STXBP4: variants seen among roughly 807,000 people sequenced by gnomAD.
STXBP4 encodes syntaxin binding protein 4, also known as syntaxin-binding protein 4.
STXBP4 carries 55 observed loss-of-function variants against 76.1 expected under a neutral mutation model. That is an observed-to-expected ratio of 0.72 (90% CI 0.58 to 0.91). STXBP4 has a LOEUF of 0.91. Ranked by LOEUF, STXBP4 falls within the 40% of genes least tolerant of loss-of-function variation. STXBP4 has a pLI of 0.00. For missense variants in STXBP4, 618 were observed against 636.9 expected, an observed-to-expected ratio of 0.97 and a Z score of 0.32; for synonymous variants, 201 against 220.2, an observed-to-expected ratio of 0.91 and a Z score of 0.77.
At chr17:55,071,968 G>A (rs2079125117) in intron 12 of STXBP4, among the ~76,000 whole-genome samples, 1 of 152,116 alleles carries the variant, frequency 6.6e-6, no homozygotes, top group South Asian at 2.1e-4. Flanking sequence ...GTGTCCTGGG[G>A]GACTGTCTTT....
chr17:55,053,638 A>T (rs1322737891), intron 12 of STXBP4, among the ~76,000 whole-genome samples: 1 of 152,144 alleles, frequency 6.6e-6, no homozygotes, highest in African/African-American at 2.4e-5. Flanking sequence ...AAGTTTTTTT[A>T]AAGTCCTCTA....
Position 54,999,857 on chromosome 17 carries a change from C to CA in STXBP4, c.498+15_498+16insA. ...CTTCTTGTGAGGTAAGTCAGGTAAT[C>CA]TTAAATTTCTCTATATATGCACTCC... On this transcript the variant is annotated intron_variant, in intron 6 of 17. Coordinates refer to ENST00000376352, the MANE Select transcript of STXBP4 (RefSeq NM_178509.6). 1 of 1,564,346 alleles carries CA rather than the reference C, an allele frequency of 6.4e-7. No individual in the cohort carries two copies. The highest frequency in any genetic ancestry group is 8.8e-7 in the Non-Finnish European group (1 of 1,138,190).
At chr17:55,127,828 A>T (rs1218637269) in intron 16 of STXBP4, among the ~76,000 whole-genome samples, 1 of 152,152 alleles carries the variant, frequency 6.6e-6, no homozygotes, top group Admixed American at 6.5e-5. Context: ...AGATTTTCAG[A>T]TAAACTTTTT....
At chr17:55,009,230 A>G (rs2078061046) in intron 8 of STXBP4, among the ~76,000 whole-genome samples, 1 of 152,186 alleles carries the variant, frequency 6.6e-6, no homozygotes, top group South Asian at 2.1e-4. Flanking sequence ...TTGTGGCTAA[A>G]ATGTAAGTTC....
chr17:55,094,165 GA>G (rs34886189), intron 16 of STXBP4, among the ~76,000 whole-genome samples: 6,646 of 108,172 alleles, frequency 0.061, 437 homozygotes, highest in African/African-American at 0.2. Flanking sequence ...TGAGGGACAG[GA>G]AAAAAAAAAA....
intron 16 of STXBP4, among the ~76,000 whole-genome samples, chr17:55,124,621 C>T (rs948379435): frequency 5.9e-5 from 9 of 152,176 alleles, no homozygotes; most frequent in African/African-American, 2.2e-4. Flanking sequence ...ACAGTGTAGT[C>T]AGACTGAAGT....
intron 16 of STXBP4, among the ~76,000 whole-genome samples, chr17:55,092,538 A>AT (rs2079428677): frequency 6.6e-6 from 1 of 152,168 alleles, no homozygotes; most frequent in African/African-American, 2.4e-5. Context: ...TAACTATGTT[A>AT]TTTTTACTCA....
chr17:55,051,317 T>C (rs2078855464), intron 12 of STXBP4, among the ~76,000 whole-genome samples: 1 of 152,042 alleles, frequency 6.6e-6, no homozygotes, highest in Non-Finnish European at 1.5e-5. Context: ...ACCATAATTA[T>C]GGTAAGGAAA....
Position 54,999,412 on chromosome 17 carries a change from T to C in STXBP4, c.248T>C (p.Phe83Ser). Residue 83 changes from phenylalanine to serine, a missense_variant, in exon 5 of 18, where the codon TTT becomes TCT. Transcript: ENST00000376352. ...VNKESMIGVS[F>S]EEAKSIITGA... is the part of the protein sequence containing the mutation. ...AAGGAATCTATGATTGGTGTATCAT[T>C]TGAAGAAGCAAAAAGCATAATTACC... The C allele has an allele frequency of 6.2e-7, 1 of 1,613,086 alleles. No homozygotes were observed. The highest frequency in any genetic ancestry group is 1.1e-5 in the South Asian group (1 of 90,782).
At chr17:55,110,483 G>A (rs2079698667) in intron 16 of STXBP4, among the ~76,000 whole-genome samples, 1 of 152,144 alleles carries the variant, frequency 6.6e-6, no homozygotes, top group South Asian at 2.1e-4. Flanking sequence ...GGAATTCAGG[G>A]AATTACATTC....
chr17:55,082,986 T>C (rs1343332697), intron 16 of STXBP4, among the ~76,000 whole-genome samples: 1 of 151,734 alleles, frequency 6.6e-6, no homozygotes, highest in Non-Finnish European at 1.5e-5. Context: ...TTTTAAGACA[T>C]GGTCTTGCTT....
intron 8 of STXBP4, among the ~76,000 whole-genome samples, chr17:55,021,705 A>G (rs917549506): frequency 6.6e-6 from 1 of 152,104 alleles, no homozygotes; most frequent in African/African-American, 2.4e-5. Context: ...TAAAAACTTT[A>G]CTGGCAGGAT....
rs36126127 is a variant in STXBP4 at position 55,029,050 on chromosome 17, TA to T, written c.667-2108del. Among the ~76,000 whole-genome samples the T allele has an allele frequency of 4.2e-4, 62 of 149,300 alleles. 1 individual carries two copies. Among genetic ancestry groups the T allele is most frequent in the Middle Eastern group, 7.0e-3 (2 of 286 alleles). Reference sequence around the variant, plus strand: ...GAGACATGTATAATGTTCTGTAATTTAAAAAAAAAAGCAGATTGGAGTAGTT... The same window carrying T: ...GAGACATGTATAATGTTCTGTAATTTAAAAAAAAAGCAGATTGGAGTAGTT... On this transcript the variant is annotated intron_variant, in intron 8 of 17. Coordinates refer to ENST00000376352, the MANE Select transcript of STXBP4 (RefSeq NM_178509.6).
intron 13 of STXBP4, among the ~76,000 whole-genome samples, chr17:55,074,702 G>T (rs1215879120): frequency 6.6e-6 from 1 of 151,834 alleles, no homozygotes; most frequent in African/African-American, 2.4e-5. Flanking sequence ...AAGTTGCCTG[G>T]TAATATAATT....
At chr17:55,124,544 G>C (rs1327996123) in intron 16 of STXBP4, among the ~76,000 whole-genome samples, 2 of 152,158 alleles carry the variant, frequency 1.3e-5, no homozygotes, top group Non-Finnish European at 2.9e-5. Flanking sequence ...ATTTTTTACT[G>C]CATTGATTGG....
chr17:55,153,502 A>C (rs1171735184), intron 17 of STXBP4, among the ~76,000 whole-genome samples: 3 of 152,196 alleles, frequency 2.0e-5, no homozygotes, highest in African/African-American at 7.2e-5. Flanking sequence ...TAAAATTTGT[A>C]GTGTAGTCAT....
In STXBP4 at chr17:55,090,845, GTGTGTGTGTC is replaced by G. The variant is rs200611401; in HGVS notation, c.1489+9672_1489+9681del. On this transcript the variant is annotated intron_variant, in intron 16 of 17. Coordinates refer to ENST00000376352, the MANE Select transcript of STXBP4 (RefSeq NM_178509.6). ...AAATGACATTTTAAATTGTGTGTGT[GTGTGTGTGTC>G]TGTGTGTGTGTGTGTGTGTGTGTGT... Among the ~76,000 whole-genome samples the G allele has an allele frequency of 1.0e-4, 5 of 48,348 alleles. No individual in the cohort carries two copies. In the East Asian group the frequency reaches 1.6e-3, roughly 16 times the overall value. 31.7% of individuals were successfully genotyped at this position (48,348 alleles called of 152,430 possible). A position where few individuals can be genotyped will look rare whatever the true frequency, so the allele number is the denominator to read the frequency against.
chr17:54,978,326 T>TA (rs886590190), intron 1 of STXBP4, among the ~76,000 whole-genome samples: 8 of 130,176 alleles, frequency 6.1e-5, no homozygotes, highest in Non-Finnish European at 1.0e-4. Flanking sequence ...CCCAATGCAA[T>TA]AAAAAAAACA....
intron 16 of STXBP4, among the ~76,000 whole-genome samples, chr17:55,112,209 C>A (rs895188755): frequency 2.0e-5 from 3 of 152,120 alleles, no homozygotes. Context: ...CATGAGCCAC[C>A]ATGCCCAGCC....
Sources: allele counts gnomAD v4.1 joint callset (sites outside exome capture counted in the v4.1 genomes callset), GRCh38; gene constraint gnomAD v4.1.1; transcripts MANE v1.5; gene names NCBI Gene and HGNC (gene_info 2026-07-23, HGNC 2026-07-21).